USP43: variants seen among roughly 807,000 people sequenced by gnomAD.
USP43 encodes ubiquitin carboxyl-terminal hydrolase 43.
In USP43, 33 loss-of-function variants were observed where a neutral mutation model predicts 90.7. The observed-to-expected ratio is 0.36, with a 90% CI of 0.28 to 0.49. USP43 has a LOEUF of 0.49. USP43 is among the 20% of genes least tolerant of loss of function. The probability of loss-of-function intolerance (pLI) is 0.98; values close to 1 mark genes in which losing one functional copy is unlikely to be tolerated. For synonymous variants in USP43, 598 were observed against 615.8 expected, an observed-to-expected ratio of 0.97 and a Z score of 0.43; for missense variants, 1,274 against 1,476.4, an observed-to-expected ratio of 0.86 and a Z score of 2.25.
chr17:9,656,886 T>G lies in USP43; in HGVS notation c.636+352T>G, dbSNP rs565213232. 1.5e-3 allele frequency among the ~76,000 whole-genome samples: 230 copies of G among 152,366 alleles called. 3 individuals carry two copies. Among genetic ancestry groups the G allele is most frequent in the Non-Finnish European group, 1.3e-4 (9 of 68,040 alleles). On this transcript the variant is annotated intron_variant, in intron 2 of 14. Coordinates refer to ENST00000285199, the MANE Select transcript of USP43 (RefSeq NM_153210.5). ...CTTATTATTTGCAGATGGTACCATT[T>G]GAACTCTACCATTGCTTTCTCAGTT...
chr17:9,672,871 G>A (rs764796244), intron 3 of USP43, among the ~76,000 whole-genome samples: 19 of 152,156 alleles, frequency 1.2e-4, no homozygotes, highest in Non-Finnish European at 2.1e-4. Context: ...TGCCTCGGGC[G>A]ACACTCTCCT....
At chr17:9,679,373 T>C (rs1914004012) in intron 5 of USP43, among the ~76,000 whole-genome samples, 1 of 151,684 alleles carries the variant, frequency 6.6e-6, no homozygotes, top group Non-Finnish European at 1.5e-5. Context: ...GGCTAATTTT[T>C]TAAAAAAATT....
intron 2 of USP43, among the ~76,000 whole-genome samples, chr17:9,662,360 G>A (rs886247013): frequency 2.6e-5 from 4 of 152,142 alleles, no homozygotes; most frequent in East Asian, 1.9e-4. Context: ...TGTCATGAAT[G>A]TCTCTGCCTG....
At chr17:9,651,871 C>T (rs576105859) in intron 1 of USP43, among the ~76,000 whole-genome samples, 1 of 152,102 alleles carries the variant, frequency 6.6e-6, no homozygotes, top group Admixed American at 6.5e-5. Context: ...GCTAGAAATC[C>T]TTATTTTAGC....
intron 12 of USP43, among the ~76,000 whole-genome samples, chr17:9,707,219 C>T (rs1283313248): frequency 3.9e-5 from 6 of 152,244 alleles, no homozygotes; most frequent in Non-Finnish European, 5.9e-5. Context: ...CATCCATTTA[C>T]GTACGCGCAC....
At chr17:9,689,280 T>C (rs990127106) in intron 8 of USP43, among the ~76,000 whole-genome samples, 3 of 152,140 alleles carry the variant, frequency 2.0e-5, no homozygotes, top group African/African-American at 7.2e-5. Flanking sequence ...TTAAACATAT[T>C]GTATTGAAGG....
chr17:9,645,668 A>T lies in USP43; in HGVS notation c.36A>T (p.Gly12=). The part of the protein sequence containing the change: ...DLGPGDAAGG[G]PLAPRPRRRR... ...GCCCCGGGGACGCGGCAGGAGGGGG[A>T]CCGCTCGCGCCCCGGCCCCGCCGCC... The change falls in exon 1 of 15, where the codon GGA becomes GGT. Residue 12 remains glycine (G), a synonymous_variant. Coordinates refer to ENST00000285199, the MANE Select transcript of USP43 (RefSeq NM_153210.5). This position sits in a 1 kb window ranked among gnomAD's most constrained non-coding sequence, Gnocchi z 6.8. The T allele has an allele frequency of 7.9e-7, 1 of 1,269,594 alleles. No individual in the cohort carries two copies. Among genetic ancestry groups the T allele is most frequent in the Non-Finnish European group, 9.9e-7 (1 of 1,013,968 alleles). The allele number at this position is 1,269,594 out of a possible 1,614,324, so 78.6% of individuals were successfully genotyped here.
At chr17:9,647,071 A>AG (rs1911467106) in intron 1 of USP43, 1 of 148,246 alleles carries the variant, frequency 6.7e-6, no homozygotes, top group African/African-American at 2.6e-5. Context: ...CAAAAAAAAA[A>AG]AAAAAAAAAA....
chr17:9,693,586 A>C (rs776999855), intron 9 of USP43, among the ~76,000 whole-genome samples: 1 of 152,192 alleles, frequency 6.6e-6, no homozygotes, highest in Non-Finnish European at 1.5e-5. Context: ...CTGTAATCCC[A>C]GCACTTTTGG....
chr17:9,700,647 G>C (rs954574601), intron 10 of USP43, among the ~76,000 whole-genome samples: 1 of 152,156 alleles, frequency 6.6e-6, no homozygotes, highest in African/African-American at 2.4e-5. Context: ...TCTCAGAGGT[G>C]GAAACTGAGG....
rs959931811 is a variant in USP43 at position 9,645,878 on chromosome 17, A to G, written c.246A>G (p.Gly82=). The G allele has an allele frequency of 9.8e-6, 14 of 1,432,422 alleles. No homozygotes were observed. Among genetic ancestry groups the G allele is most frequent in the African/African-American group, 1.5e-5 (1 of 66,076 alleles). 88.7% of individuals were successfully genotyped at this position (1,432,422 alleles called of 1,614,324 possible). ...PGSPGEERPP[G]PQPQLQLPAG... is the part of the protein sequence containing the mutation. Reference sequence around the variant, plus strand: ...GCCCCGGGGAGGAACGCCCGCCCGGACCCCAGCCCCAGCTCCAGCTCCCCG... The same window carrying G: ...GCCCCGGGGAGGAACGCCCGCCCGGGCCCCAGCCCCAGCTCCAGCTCCCCG... The change falls in exon 1 of 15, where the codon GGA becomes GGG. Residue 82 remains glycine, a synonymous_variant. Coordinates refer to ENST00000285199, the MANE Select transcript of USP43 (RefSeq NM_153210.5). The surrounding 1 kb of genome is among the most constrained non-coding windows in gnomAD (Gnocchi z 6.8).
chr17:9,711,206 C>T (rs1164206911), intron 13 of USP43, among the ~76,000 whole-genome samples: 1 of 152,206 alleles, frequency 6.6e-6, no homozygotes, highest in Non-Finnish European at 1.5e-5. Context: ...GGATAAACTC[C>T]TGTAACATGG....
At chr17:9,684,187 G>A (rs886405157) in intron 7 of USP43, among the ~76,000 whole-genome samples, 1 of 151,828 alleles carries the variant, frequency 6.6e-6, no homozygotes, top group African/African-American at 2.4e-5. Context: ...AGACAACATG[G>A]GAGAATATTT....
rs56058514 is a variant in USP43 at position 9,717,360 on chromosome 17, A to AGTGTGTGTGTGTGT, written c.2335+5247_2335+5260dup. The stretch of plus-strand genomic sequence containing the variant: ...CTTAGGAGTGGAATTGCTTGGGCAC[A>AGTGTGTGTGTGTGT]GTGTGTGTGTGTGTGTGTGTGTGTG... On this transcript the variant is annotated intron_variant, in intron 14 of 14. Transcript: ENST00000285199. Among the ~76,000 whole-genome samples, 271 of 145,662 alleles carry AGTGTGTGTGTGTGT rather than the reference A, an allele frequency of 1.9e-3. 1 individual carries two copies. The highest frequency in any genetic ancestry group is 6.4e-3 in the African/African-American group (252 of 39,594).
intron 2 of USP43, among the ~76,000 whole-genome samples, chr17:9,664,005 A>T (rs141337533): frequency 6.6e-6 from 1 of 152,058 alleles, no homozygotes; most frequent in East Asian, 1.9e-4. Flanking sequence ...GCCCCCACCC[A>T]CTGTGGCACC....
At chr17:9,724,148 A>C (rs1022764006) in intron 14 of USP43, among the ~76,000 whole-genome samples, 1 of 152,074 alleles carries the variant, frequency 6.6e-6, no homozygotes, top group African/African-American at 2.4e-5. Context: ...TGGAGTGATG[A>C]AAAGGGCAGC....
intron 6 of USP43, 89 bp downstream of exon 6, chr17:9,680,455 C>G: frequency 6.9e-7 from 1 of 1,444,156 alleles, no homozygotes; most frequent in Non-Finnish European, 9.5e-7. Flanking sequence ...CATAAAACAT[C>G]CAATTTTAGC....
At chr17:9,662,530 C>T (rs1304165198) in intron 2 of USP43, among the ~76,000 whole-genome samples, 1 of 152,162 alleles carries the variant, frequency 6.6e-6, no homozygotes, top group East Asian at 1.9e-4. Context: ...GAGTGGTGAG[C>T]TACGTCCACA....
intron 9 of USP43, among the ~76,000 whole-genome samples, chr17:9,699,335 C>T (rs1462356863): frequency 2.0e-5 from 3 of 152,166 alleles, no homozygotes; most frequent in Admixed American, 1.3e-4. Context: ...TTCTCCCAGA[C>T]ACGCCTTGTT....
Sources: gnomAD v4.1 joint callset for allele counts (sites outside exome capture counted in the v4.1 genomes callset) on GRCh38, gnomAD v4.1.1 for gene constraint, Gnocchi (gnomAD v3.1) non-coding constraint, MANE v1.5 for transcripts, NCBI Gene and HGNC (gene_info 2026-07-23, HGNC 2026-07-21) for gene names.